PTPRK: variants seen among roughly 807,000 people sequenced by gnomAD.
The protein encoded by PTPRK is receptor-type tyrosine-protein phosphatase kappa.
A neutral mutation model predicts 178.0 loss-of-function variants in PTPRK; 75 were observed. The ratio of observed to expected loss-of-function variants is 0.42; its 90% CI spans 0.35 to 0.51. PTPRK has a LOEUF of 0.51. Among genes scored for constraint, PTPRK ranks in the 20% least tolerant of loss-of-function variants. The probability of loss-of-function intolerance (pLI) is 0.02; values close to 1 mark genes in which losing one functional copy is unlikely to be tolerated. For synonymous variants in PTPRK, 637 were observed against 620.6 expected, an observed-to-expected ratio of 1.03 and a Z score of -0.39; for missense variants, 1,441 against 1,797.8, an observed-to-expected ratio of 0.80 and a Z score of 3.59.
At chr6:128,032,005 C>A (rs1775423839) in intron 13 of PTPRK, among the ~76,000 whole-genome samples, 1 of 152,194 alleles carries the variant, frequency 6.6e-6, no homozygotes, top group African/African-American at 2.4e-5. Context: ...AGTGTATTCG[C>A]AGTCACAACA....
At chr6:128,304,815 C>G in intron 3 of PTPRK, among the ~76,000 whole-genome samples, 1 of 152,144 alleles carries the variant, frequency 6.6e-6, no homozygotes, top group East Asian at 1.9e-4. Flanking sequence ...AGACAGTTAA[C>G]AAACTGATAA....
chr6:127,976,156 G>A (rs958761036), intron 27 of PTPRK, among the ~76,000 whole-genome samples: 1 of 152,150 alleles, frequency 6.6e-6, no homozygotes, highest in Non-Finnish European at 1.5e-5. Context: ...CGTTTAGGAA[G>A]ATGAAATTGC....
At chr6:128,069,648 T>C (rs1365495327) in intron 11 of PTPRK, among the ~76,000 whole-genome samples, 1 of 152,134 alleles carries the variant, frequency 6.6e-6, no homozygotes, top group Non-Finnish European at 1.5e-5. Context: ...TAAAGAATAA[T>C]AATAATTACC....
chr6:128,177,583 A>C (rs188891591), intron 7 of PTPRK, among the ~76,000 whole-genome samples: 1 of 151,870 alleles, frequency 6.6e-6, no homozygotes, highest in African/African-American at 2.4e-5. Flanking sequence ...TAAGGTGAAA[A>C]CAACCCAACT....
At chr6:127,975,764 C>T (rs537938617) in intron 27 of PTPRK, among the ~76,000 whole-genome samples, 103 of 152,230 alleles carry the variant, frequency 6.8e-4, no homozygotes, top group African/African-American at 2.1e-3. Flanking sequence ...TTCTGCCTCC[C>T]GGGTTCAAAT....
At chr6:128,083,402 G>A (rs965530265) in intron 9 of PTPRK, among the ~76,000 whole-genome samples, 2 of 151,886 alleles carry the variant, frequency 1.3e-5, no homozygotes, top group African/African-American at 2.4e-5. Flanking sequence ...AGGAAAATGA[G>A]GGTTTTTTAA....
At chr6:128,409,322 G>A (rs1335625655) in intron 1 of PTPRK, 1 of 454,660 alleles carries the variant, frequency 2.2e-6, no homozygotes, top group Admixed American at 2.4e-5. Flanking sequence ...TTCAGTAACT[G>A]CAGGCCTTTT....
At position 128,519,888 on chromosome 6, in the gene PTPRK, G is replaced by A. The variant is rs1449700683; in HGVS notation, c.100+371C>T. On this transcript the variant is annotated intron_variant, in intron 1 of 29. Transcript: ENST00000368226. The surrounding 1 kb of genome is among the most constrained non-coding windows in gnomAD (Gnocchi z 4.3). ...CCAGGGAATTTGTTTAAACACCCAAGTGGCAGACAGCAACAAACCCGCACC... is the reference window on the plus strand; with the variant it reads ...CCAGGGAATTTGTTTAAACACCCAAATGGCAGACAGCAACAAACCCGCACC... 6.6e-6 allele frequency among the ~76,000 whole-genome samples: 1 copy of A among 152,146 alleles called. No homozygotes were observed. Among genetic ancestry groups the A allele is most frequent in the Non-Finnish European group, 1.5e-5 (1 of 68,032 alleles).
At chr6:128,125,397 C>T (rs1017138078) in intron 7 of PTPRK, among the ~76,000 whole-genome samples, 1 of 151,980 alleles carries the variant, frequency 6.6e-6, no homozygotes, top group African/African-American at 2.4e-5. Flanking sequence ...CTGCTCCTGC[C>T]ATGTAAGACA....
intron 24 of PTPRK, among the ~76,000 whole-genome samples, chr6:127,981,537 T>A (rs1775338266): frequency 6.6e-6 from 1 of 152,192 alleles, no homozygotes; most frequent in Non-Finnish European, 1.5e-5. Flanking sequence ...TAAACAACAC[T>A]GCTACCTGCA....
chr6:128,493,845 C>T (rs1214796163), intron 1 of PTPRK, among the ~76,000 whole-genome samples: 1 of 152,166 alleles, frequency 6.6e-6, no homozygotes, highest in Non-Finnish European at 1.5e-5. Context: ...CTTTATCCAA[C>T]TTCTCCAGAT....
chr6:128,398,198 AG>A (rs575667508), intron 1 of PTPRK, among the ~76,000 whole-genome samples: 127 of 152,318 alleles, frequency 8.3e-4, no homozygotes, highest in Middle Eastern at 3.4e-3. Flanking sequence ...ACCTCCCTAG[AG>A]GTTTCCGATT....
chr6:128,290,066 T>G (rs17055564), intron 3 of PTPRK, among the ~76,000 whole-genome samples: 12,192 of 152,086 alleles, frequency 0.08, 567 homozygotes, highest in African/African-American at 0.12. Flanking sequence ...CCAGCTAAAC[T>G]GACTGAACAA....
intron 1 of PTPRK, among the ~76,000 whole-genome samples, chr6:128,492,319 C>T (rs1584953453): frequency 6.6e-6 from 1 of 152,290 alleles, no homozygotes; most frequent in East Asian, 1.9e-4. Context: ...GAGTAGTTTG[C>T]CTCTTCAGCA....
At chr6:127,998,486 C>A (rs1397315279) in intron 16 of PTPRK, among the ~76,000 whole-genome samples, 1 of 151,796 alleles carries the variant, frequency 6.6e-6, no homozygotes. Context: ...CGGAATCCAA[C>A]ATTAAAGATT....
chr6:128,416,482 A>T (rs1842867764), intron 1 of PTPRK, among the ~76,000 whole-genome samples: 2 of 151,520 alleles, frequency 1.3e-5, no homozygotes, highest in African/African-American at 2.4e-5. Context: ...TCTACTAAAA[A>T]TACAAAAAAA....
rs575015056 is a variant in PTPRK at position 128,051,680 on chromosome 6, A to T, written c.2194+13078T>A. Reference sequence around the variant, plus strand: ...TCACTTTCTTCCTCCTACTGTCTCAAGATGGGTATCCTGCAAGGAGCTCTC... The same window carrying T: ...TCACTTTCTTCCTCCTACTGTCTCATGATGGGTATCCTGCAAGGAGCTCTC... On this transcript the variant is annotated intron_variant, in intron 13 of 29. Transcript: ENST00000368226. 5.9e-5 allele frequency among the ~76,000 whole-genome samples: 9 copies of T among 152,306 alleles called. No homozygotes were observed. The South Asian group carries it at 1.2e-3, about 21-fold the overall frequency.
intron 2 of PTPRK, among the ~76,000 whole-genome samples, chr6:128,327,403 T>C (rs930211902): frequency 5.8e-4 from 89 of 152,312 alleles, no homozygotes; most frequent in Admixed American, 2.2e-3. Flanking sequence ...TTTCAATTTC[T>C]TTGCCTAGTA....
intron 7 of PTPRK, among the ~76,000 whole-genome samples, chr6:128,107,455 C>A (rs1789913508): frequency 6.6e-6 from 1 of 151,946 alleles, no homozygotes; most frequent in Non-Finnish European, 1.5e-5. Flanking sequence ...AAACACTTCC[C>A]CTAAAGCAGA....
Sources: gnomAD v4.1 joint callset for allele counts (sites outside exome capture counted in the v4.1 genomes callset) on GRCh38, gnomAD v4.1.1 for gene constraint, Gnocchi (gnomAD v3.1) non-coding constraint, MANE v1.5 for transcripts, NCBI Gene and HGNC (gene_info 2026-07-23, HGNC 2026-07-21) for gene names.